The following SLC39A12 variants were observed in gnomAD, a reference collection of about 807,000 sequenced individuals.
SLC39A12 encodes the protein zinc transporter ZIP12.
Under a neutral mutation model 71.1 loss-of-function variants are expected in SLC39A12, and 63 were observed. The ratio of observed to expected loss-of-function variants is 0.89; its 90% CI spans 0.72 to 1.09. The LOEUF (loss-of-function observed/expected upper bound fraction) is 1.09, where lower values mean the gene tolerates loss of function less well. Among genes scored for constraint, SLC39A12 ranks in the 50% least tolerant of loss-of-function variants. The pLI, the probability that SLC39A12 is intolerant of heterozygous loss-of-function variation, is 0.00. For synonymous variants in SLC39A12, 351 were observed against 301.3 expected, an observed-to-expected ratio of 1.16 and a Z score of -1.71; for missense variants, 892 against 812.6, an observed-to-expected ratio of 1.10 and a Z score of -1.19.
Position 17,981,454 on chromosome 10 carries a change from A to G in SLC39A12, c.1067A>G (p.Gln356Arg). Reference sequence around the variant, plus strand: ...TCCTGCCACTTACCCAAGGACCAACAAGCAAAGCTGCCACCTACCACTCTG... The same window carrying G: ...TCCTGCCACTTACCCAAGGACCAACGAGCAAAGCTGCCACCTACCACTCTG... ...SCSCHLPKDQ[Q>R]AKLPPTTLEK... Residue 356 changes from glutamine (Q) to arginine (R), a missense_variant, in exon 6 of 13, where the codon CAA (glutamine) becomes CGA (arginine). Physicochemically the swap from Gln to Arg is conservative, Grantham distance 43. Transcript: ENST00000377369. 1.9e-6 allele frequency: 3 copies of G among 1,613,442 alleles called. No homozygotes were observed. Among genetic ancestry groups the G allele is most frequent in the Non-Finnish European group, 2.5e-6 (3 of 1,179,654 alleles).
At chr10:17,990,670 C>T (rs1055508161) in intron 7 of SLC39A12, among the ~76,000 whole-genome samples, 7 of 152,032 alleles carry the variant, frequency 4.6e-5, no homozygotes, top group African/African-American at 1.2e-4. Flanking sequence ...AAGTTCTTCA[C>T]GGTGGATTTC....
chr10:18,013,002 T>C (rs1320862241), intron 12 of SLC39A12, among the ~76,000 whole-genome samples: 1 of 152,106 alleles, frequency 6.6e-6, no homozygotes, highest in Non-Finnish European at 1.5e-5. Context: ...AATTTCATGT[T>C]TTTTAGTGGA....
At chr10:18,005,874 T>C (rs1404518285) in intron 12 of SLC39A12, 1 of 151,744 alleles carries the variant, frequency 6.6e-6, no homozygotes, top group Non-Finnish European at 1.5e-5. Context: ...TACTTGTGAG[T>C]TTCCCGGGGC....
intron 4 of SLC39A12, among the ~76,000 whole-genome samples, chr10:17,970,065 T>G (rs1487842767): frequency 6.6e-6 from 1 of 152,236 alleles, no homozygotes; most frequent in Admixed American, 6.5e-5. Flanking sequence ...CAGTGTATGT[T>G]CTTGGGACCT....
intron 12 of SLC39A12, among the ~76,000 whole-genome samples, chr10:18,034,350 A>G (rs1408007541): frequency 3.3e-5 from 5 of 151,976 alleles, no homozygotes; most frequent in African/African-American, 1.2e-4. Context: ...TTGGGTGCAT[A>G]TATATTTAGG....
chr10:17,965,475 G>T lies in SLC39A12; in HGVS notation c.544-8G>T, dbSNP rs758415874. ...ACAATTTTCTCTTTATTTTGTATCT[G>T]ATTTCAGTGTATGGAAACCAAAACG... On this transcript the variant is annotated splice_region_variant and splice_polypyrimidine_tract_variant and intron_variant, in intron 3 of 12. Transcript: ENST00000377369. The T allele has an allele frequency of 7.4e-6, 12 of 1,612,754 alleles. 1 individual carries two copies. The South Asian group carries it at 8.8e-5, about 12-fold the overall frequency.
At chr10:17,953,114 G>C in intron 1 of SLC39A12, 77 bp from the exon 2 acceptor site, 1 of 885,990 alleles carries the variant, frequency 1.1e-6, no homozygotes, top group Non-Finnish European at 1.7e-6. Flanking sequence ...AATCAGCTTA[G>C]CCACCCAATT....
chr10:17,987,711 C>T, intron 7 of SLC39A12, 60 bp downstream of exon 7: 2 of 1,570,114 alleles, frequency 1.3e-6, no homozygotes, highest in South Asian at 2.3e-5. Flanking sequence ...CTTTTAACCA[C>T]TGGAGGTATT....
intron 12 of SLC39A12, among the ~76,000 whole-genome samples, chr10:18,027,343 G>C (rs1836706048): frequency 6.6e-6 from 1 of 152,214 alleles, no homozygotes; most frequent in Non-Finnish European, 1.5e-5. Flanking sequence ...AACCCCAATA[G>C]GTTAGGTTCT....
intron 7 of SLC39A12, among the ~76,000 whole-genome samples, chr10:17,989,591 C>T (rs1010384213): frequency 1.5e-5 from 2 of 133,268 alleles, no homozygotes; most frequent in Admixed American, 8.2e-5. Flanking sequence ...CTGGGTTTCC[C>T]GAAATTTTGT....
intron 6 of SLC39A12, among the ~76,000 whole-genome samples, chr10:17,984,914 C>T (rs1835361903): frequency 1.3e-5 from 2 of 152,186 alleles, no homozygotes; most frequent in African/African-American, 4.8e-5. Flanking sequence ...GGAACAGATG[C>T]TTAAAAGTTT....
intron 12 of SLC39A12, among the ~76,000 whole-genome samples, chr10:18,028,142 T>C (rs1020845809): frequency 6.6e-6 from 1 of 152,222 alleles, no homozygotes; most frequent in African/African-American, 2.4e-5. Flanking sequence ...AGCAAATCAC[T>C]TCTAAGCATT....
At chr10:18,027,486 C>T (rs945806577) in intron 12 of SLC39A12, among the ~76,000 whole-genome samples, 4 of 152,208 alleles carry the variant, frequency 2.6e-5, no homozygotes, top group African/African-American at 4.8e-5. Flanking sequence ...TGTGAGAACC[C>T]GTGGAGCTCC....
chr10:18,012,412 CTG>C (rs1172181696), intron 12 of SLC39A12, among the ~76,000 whole-genome samples: 3 of 152,286 alleles, frequency 2.0e-5, no homozygotes, highest in African/African-American at 7.2e-5. Flanking sequence ...TTTTAAGACT[CTG>C]TGGCTGATAA....
intron 4 of SLC39A12, among the ~76,000 whole-genome samples, chr10:17,969,227 T>C (rs1392438057): frequency 2.6e-5 from 4 of 152,224 alleles, no homozygotes; most frequent in Non-Finnish European, 5.9e-5. Flanking sequence ...ATCTTAGGTA[T>C]CATGAACAGT....
intron 7 of SLC39A12, among the ~76,000 whole-genome samples, chr10:17,990,271 A>G (rs577510136): frequency 6.6e-6 from 1 of 152,296 alleles, no homozygotes; most frequent in African/African-American, 2.4e-5. Flanking sequence ...ATTTGCATAC[A>G]CAACATATAT....
chr10:18,011,068 G>A (rs1836205266), intron 12 of SLC39A12, among the ~76,000 whole-genome samples: 1 of 151,674 alleles, frequency 6.6e-6, no homozygotes, highest in African/African-American at 2.4e-5. Flanking sequence ...GCCCCCTCCA[G>A]GTATTTCCTC....
intron 12 of SLC39A12, among the ~76,000 whole-genome samples, chr10:18,011,250 C>T (rs139098198): frequency 2.5e-4 from 38 of 152,090 alleles, no homozygotes; most frequent in African/African-American, 8.4e-4. Context: ...CCCCCATGCC[C>T]GCTTATTTTT....
intron 12 of SLC39A12, among the ~76,000 whole-genome samples, chr10:18,040,851 A>G (rs1837205797): frequency 6.6e-6 from 1 of 151,940 alleles, no homozygotes; most frequent in African/African-American, 2.4e-5. Flanking sequence ...TCGATAAAAT[A>G]ATCTGAGTCG....
Sources: allele counts gnomAD v4.1 joint callset (sites outside exome capture counted in the v4.1 genomes callset), GRCh38; gene constraint gnomAD v4.1.1; transcripts MANE v1.5; gene names NCBI Gene and HGNC (gene_info 2026-07-23, HGNC 2026-07-21).